Variants in FAM20C observed in about 807,000 individuals in gnomAD.
FAM20C encodes the protein extracellular serine/threonine protein kinase FAM20C.
FAM20C carries 40 observed loss-of-function variants against 51.5 expected under a neutral mutation model. That is an observed-to-expected ratio of 0.78 (90% confidence interval 0.60 to 1.01). FAM20C has a LOEUF of 1.01. FAM20C is among the 50% of genes least tolerant of loss of function. The pLI is 0.00. For missense variants in FAM20C, 861 were observed against 844.7 expected (o/e 1.02, Z -0.24); for synonymous variants, 406 against 380.6 (o/e 1.07, Z -0.78).
At chr7:208,749 A>G in intron 2 of FAM20C, 149 bp from the exon 3 acceptor site, 2 of 688,618 alleles carry the variant, frequency 2.9e-6, no homozygotes, top group East Asian at 2.8e-5. Flanking sequence ...CGAGAGCTTC[A>G]CTGCAGAAAA....
At chr7:257,966 G>A (rs1265600587) in intron 8 of FAM20C, among the ~76,000 whole-genome samples, 4 of 74,432 alleles carry the variant, frequency 5.4e-5, no homozygotes, top group African/African-American at 4.4e-5. Flanking sequence ...ACTGCCTGAG[G>A]TGCTGGAGAT....
chr7:257,162 C>A, intron 8 of FAM20C, 76 bp downstream of exon 8: 1 of 1,385,236 alleles, frequency 7.2e-7, no homozygotes, highest in South Asian at 1.2e-5. Flanking sequence ...ACCTGAGACC[C>A]TGGGGACGGG....
At chr7:202,560 G>C (rs1290906862) in intron 2 of FAM20C, among the ~76,000 whole-genome samples, 1 of 144,686 alleles carries the variant, frequency 6.9e-6, no homozygotes, top group African/African-American at 2.6e-5. Flanking sequence ...TAGAGAGGAC[G>C]GGTAGCTGCT....
rs1480525217 is a variant in FAM20C at position 193,323 on chromosome 7, G to A, written c.124G>A (p.Gly42Arg). 1 of 1,385,828 alleles carries A rather than the reference G, an allele frequency of 7.2e-7. No individual in the cohort carries two copies. The highest frequency in any genetic ancestry group is 9.4e-7 in the Non-Finnish European group (1 of 1,061,164). 85.8% of individuals were successfully genotyped at this position (1,385,828 alleles called of 1,614,324 possible). The change falls in exon 1 of 10, where the codon GGG becomes AGG. Residue 42 changes from glycine to arginine, a missense_variant. Gly to Arg is a moderately radical substitution (Grantham distance 125). Around this residue, in one of 3 missense-constraint regions of FAM20C, gnomAD observed 561 missense variants for 499.8 expected, o/e 1.12. Transcript: ENST00000313766. ...GGAGCGACGCGGCGCGCGGCCCTCG[G>A]GGGAGCCCGGCTGTTCGTGCGCGCA... ...RLERRGARPS[G>R]EPGCSCAQPA...
chr7:198,706 G>A (rs1269417156), intron 2 of FAM20C, among the ~76,000 whole-genome samples: 1 of 152,204 alleles, frequency 6.6e-6, no homozygotes, highest in Non-Finnish European at 1.5e-5. Flanking sequence ...GTGCAAATAC[G>A]AGTAAAGAGG....
At chr7:257,321 C>T (rs184369565) in intron 8 of FAM20C, 31 of 555,180 alleles carry the variant, frequency 5.6e-5, no homozygotes, top group African/African-American at 2.8e-4. Context: ...GACCAAGTCC[C>T]GGCAGAGCTG....
rs1412341180 is a variant in FAM20C, at chr7:236,501, TC to T, written c.864-9908del. ...CAGGCGTTTACTGGCTGCAAAAATTTCCCCCCTTCCCCTCGCCCTCACCTGG... is the reference window on the plus strand; with the variant it reads ...CAGGCGTTTACTGGCTGCAAAAATTTCCCCCTTCCCCTCGCCCTCACCTGG... On this transcript the variant is annotated intron_variant, in intron 3 of 9. Coordinates refer to ENST00000313766, the MANE Select transcript of FAM20C (RefSeq NM_020223.4). Among the ~76,000 whole-genome samples the T allele has an allele frequency of 5.6e-3, 848 of 152,160 alleles. 7 individuals carry two copies. The highest frequency in any genetic ancestry group is 0.019 in the African/African-American group (775 of 41,504).
At chr7:223,661 G>C (rs1030635780) in intron 3 of FAM20C, among the ~76,000 whole-genome samples, 1 of 152,204 alleles carries the variant, frequency 6.6e-6, no homozygotes, top group African/African-American at 2.4e-5. Flanking sequence ...CCTGCAGAGG[G>C]GTCAGCCTGC....
At chr7:218,588 C>T (rs1206759732) in intron 3 of FAM20C, among the ~76,000 whole-genome samples, 1 of 152,134 alleles carries the variant, frequency 6.6e-6, no homozygotes, top group Non-Finnish European at 1.5e-5. Context: ...TGTGCGGCCT[C>T]ACCACCGCTC....
chr7:218,164 C>G (rs1462255098), intron 3 of FAM20C, among the ~76,000 whole-genome samples: 1 of 152,198 alleles, frequency 6.6e-6, no homozygotes. Flanking sequence ...CAGGCCACAG[C>G]GTTCACCCGG....
chr7:240,765 C>T (rs1323473742), intron 3 of FAM20C, among the ~76,000 whole-genome samples: 2 of 152,148 alleles, frequency 1.3e-5, no homozygotes, highest in Non-Finnish European at 2.9e-5. Flanking sequence ...CAAACAATGC[C>T]ACCGATTGTG....
At chr7:234,830 C>T (rs2115125754) in intron 3 of FAM20C, among the ~76,000 whole-genome samples, 1 of 152,332 alleles carries the variant, frequency 6.6e-6, no homozygotes, top group East Asian at 1.9e-4. Context: ...GAGCTCCCAT[C>T]CCTGCCGTTT....
intron 3 of FAM20C, among the ~76,000 whole-genome samples, chr7:218,924 G>A (rs971502437): frequency 1.3e-5 from 2 of 151,846 alleles, no homozygotes; most frequent in African/African-American, 4.8e-5. Flanking sequence ...ACTCCCGTCC[G>A]GCCGGGAGCT....
In FAM20C at chr7:193,689, C is replaced by A. The variant is rs1171433043; in HGVS notation, c.490C>A (p.Leu164Met). The A allele has an allele frequency of 1.3e-6, 2 of 1,545,826 alleles. No individual in the cohort carries two copies. Among genetic ancestry groups the A allele is most frequent in the Non-Finnish European group, 1.7e-6 (2 of 1,145,170 alleles). The change falls in exon 1 of 10, where the codon CTG (leucine) becomes ATG (methionine). Residue 164 changes from leucine (L) to methionine (M), a missense_variant. Leu to Met is a conservative substitution (Grantham distance 15, BLOSUM62 2). Coordinates refer to ENST00000313766, the MANE Select transcript of FAM20C (RefSeq NM_020223.4). ...PGGDASLLARLFEHPLYRVAV... is the reference protein window; with the variant it reads ...PGGDASLLARMFEHPLYRVAV... ...CGGAGACGCCTCCCTCCTGGCCAGG[C>A]TGTTCGAGCACCCGCTTTACCGGGT... is the stretch of plus-strand genomic sequence containing the variant.
intron 3 of FAM20C, among the ~76,000 whole-genome samples, chr7:241,813 ATC>A (rs1491407090): frequency 6.7e-6 from 1 of 149,990 alleles, no homozygotes; most frequent in Non-Finnish European, 1.5e-5. Context: ...GTGAATGTGC[ATC>A]TGTGTGTGTG....
At chr7:234,378 C>T (rs889985297) in intron 3 of FAM20C, among the ~76,000 whole-genome samples, 1 of 152,214 alleles carries the variant, frequency 6.6e-6, no homozygotes, top group Non-Finnish European at 1.5e-5. Flanking sequence ...CTGGGCGTGG[C>T]CGGGTGCAGC....
chr7:212,972 C>G (rs532261199), intron 3 of FAM20C, among the ~76,000 whole-genome samples: 1 of 83,844 alleles, frequency 1.2e-5, no homozygotes, highest in South Asian at 4.8e-4. Context: ...CCCCCTTGTC[C>G]GCCTCCAGCC....
At position 193,570 on chromosome 7, in the gene FAM20C, G is replaced by T; in HGVS notation, c.371G>T (p.Arg124Leu). The T allele has an allele frequency of 2.0e-6, 3 of 1,499,300 alleles. No homozygotes were observed. Among genetic ancestry groups the T allele is most frequent in the Non-Finnish European group, 1.8e-6 (2 of 1,122,606 alleles). The allele number at this position is 1,499,300 out of a possible 1,614,324, so 92.9% of individuals were successfully genotyped here. A position where few individuals can be genotyped will look rare whatever the true frequency, so the allele number is the denominator to read the frequency against. The change falls in exon 1 of 10, where the codon CGG becomes CTG. Residue 124 changes from arginine to leucine, a missense_variant. By Grantham distance (102) the Arg-to-Leu change is moderately radical. Around this residue, in one of 3 missense-constraint regions of FAM20C, gnomAD observed 561 missense variants for 499.8 expected, o/e 1.12. Coordinates refer to ENST00000313766, the MANE Select transcript of FAM20C (RefSeq NM_020223.4). ...CCGGCCGAGCGCGCCTTGCGGGGGC[G>T]GGATCCCGGCGCCCTAAGACCCCAC... ...AEPAERALRG[R>L]DPGALRPHDP...
intron 5 of FAM20C, among the ~76,000 whole-genome samples, chr7:250,747 G>A (rs1788366203): frequency 6.6e-6 from 1 of 152,332 alleles, no homozygotes; most frequent in South Asian, 2.1e-4. Flanking sequence ...GCACACCCTG[G>A]TGCCCACGGA....
Sources: allele counts gnomAD v4.1 joint callset (sites outside exome capture counted in the v4.1 genomes callset), GRCh38; gene constraint gnomAD v4.1.1; regional missense constraint gnomAD v4.1.1; transcripts MANE v1.5; gene names NCBI Gene and HGNC (gene_info 2026-07-23, HGNC 2026-07-21).